Variants in CACNA1D observed in about 807,000 individuals in gnomAD.
The protein encoded by CACNA1D is calcium voltage-gated channel subunit alpha1 D, also known as voltage-dependent L-type calcium channel subunit alpha-1D.
CACNA1D carries 55 observed loss-of-function variants against 257.1 expected under a neutral mutation model. The observed-to-expected ratio is 0.21, with a 90% CI of 0.17 to 0.27. The LOEUF (loss-of-function observed/expected upper bound fraction) is 0.27, where lower values mean the gene tolerates loss of function less well. Among genes scored for constraint, CACNA1D ranks in the 10% least tolerant of loss-of-function variants. The probability of loss-of-function intolerance (pLI) is 1.00; values close to 1 mark genes in which losing one functional copy is unlikely to be tolerated. For synonymous variants in CACNA1D, 980 were observed against 1,014.9 expected, an observed-to-expected ratio of 0.97 and a Z score of 0.65; for missense variants, 1,876 against 2,784.0, an observed-to-expected ratio of 0.67 and a Z score of 7.34.
At chr3:53,806,097 C>T (rs866490716) in intron 45 of CACNA1D, among the ~76,000 whole-genome samples, 126 of 146,712 alleles carry the variant, frequency 8.6e-4, no homozygotes, top group African/African-American at 3.1e-3. Flanking sequence ...TCTTCCTCCT[C>T]CTTCGTCTTC....
rs547733188 is a variant in CACNA1D, at chr3:53,589,654, G to A, written c.484-61125G>A. ...AGACAACGTCTCCTTCTGTTGCCCA[G>A]GCTGGAGTGCAGTGGTGCAGTCATG... is the stretch of plus-strand genomic sequence containing the variant. On this transcript the variant is annotated intron_variant, in intron 3 of 47. Transcript: ENST00000350061. Among the ~76,000 whole-genome samples the A allele has an allele frequency of 1.9e-4, 29 of 152,270 alleles. 1 individual carries two copies. The highest frequency in any genetic ancestry group is 3.7e-4 in the Non-Finnish European group (25 of 68,032).
intron 21 of CACNA1D, 37 bp from the exon 22 acceptor site, chr3:53,742,974 A>G: frequency 7.3e-7 from 1 of 1,376,160 alleles, no homozygotes; most frequent in Non-Finnish European, 1.0e-6. Context: ...TCCTTTGGAG[A>G]CAAAAAATGG....
rs537537367 is a variant in CACNA1D, at chr3:53,501,915, A to G, written c.483+195A>G. On this transcript the variant is annotated intron_variant, in intron 3 of 47. Transcript: ENST00000350061. ...TCTCAAATTTATACTGACTGAAAGTATTTAAAGTCATGAATCTTTTATAAA... is the reference window on the plus strand; with the variant it reads ...TCTCAAATTTATACTGACTGAAAGTGTTTAAAGTCATGAATCTTTTATAAA... Among the ~76,000 whole-genome samples the G allele has an allele frequency of 3.3e-5, 5 of 152,316 alleles. No homozygotes were observed. In the South Asian group the frequency reaches 1.0e-3, roughly 32 times the overall value.
chr3:53,582,270 C>G (rs2093145174), intron 3 of CACNA1D, among the ~76,000 whole-genome samples: 1 of 152,154 alleles, frequency 6.6e-6, no homozygotes, highest in African/African-American at 2.4e-5. Context: ...CAGTCCTCAA[C>G]TAGGCTATAC....
At chr3:53,577,330 G>A (rs1311826685) in intron 3 of CACNA1D, among the ~76,000 whole-genome samples, 1 of 152,142 alleles carries the variant, frequency 6.6e-6, no homozygotes, top group Non-Finnish European at 1.5e-5. Flanking sequence ...GGGGTGCTGG[G>A]GAGGAGCTGT....
At chr3:53,758,023 G>T (rs1384899352) in intron 29 of CACNA1D, among the ~76,000 whole-genome samples, 1 of 152,142 alleles carries the variant, frequency 6.6e-6, no homozygotes, top group Non-Finnish European at 1.5e-5. Context: ...GATGCCTGGT[G>T]GTAGCTTCCT....
chr3:53,552,263 C>T (rs1575839502), intron 3 of CACNA1D, among the ~76,000 whole-genome samples: 1 of 152,216 alleles, frequency 6.6e-6, no homozygotes, highest in Non-Finnish European at 1.5e-5. Context: ...GCTTGGTTGA[C>T]ACCTCTTCAT....
intron 3 of CACNA1D, among the ~76,000 whole-genome samples, chr3:53,598,303 T>C (rs2093396682): frequency 6.6e-6 from 1 of 152,044 alleles, no homozygotes; most frequent in Non-Finnish European, 1.5e-5. Context: ...TGGCTGGGCA[T>C]GGTGGCTCAG....
chr3:53,713,674 C>A (rs1007889780), intron 9 of CACNA1D, among the ~76,000 whole-genome samples: 7 of 152,304 alleles, frequency 4.6e-5, no homozygotes, highest in African/African-American at 1.7e-4. Context: ...TGAGAAGCAG[C>A]AGATTTCCCT....
intron 3 of CACNA1D, among the ~76,000 whole-genome samples, chr3:53,553,567 G>A (rs1371171812): frequency 1.3e-5 from 2 of 152,100 alleles, no homozygotes; most frequent in East Asian, 3.8e-4. Flanking sequence ...CCATTTCTAC[G>A]GGAATGTTTT....
intron 15 of CACNA1D, among the ~76,000 whole-genome samples, chr3:53,727,399 C>T (rs1176525044): frequency 2.0e-5 from 3 of 152,194 alleles, no homozygotes; most frequent in Admixed American, 6.5e-5. Context: ...TAAGACCCTT[C>T]GTGACTGATG....
intron 3 of CACNA1D, among the ~76,000 whole-genome samples, chr3:53,577,883 T>G (rs530066710): frequency 6.6e-6 from 1 of 152,330 alleles, no homozygotes; most frequent in African/African-American, 2.4e-5. Flanking sequence ...ATTAAGTTGA[T>G]TCTACCTTTA....
chr3:53,559,842 A>T (rs547684180), intron 3 of CACNA1D, among the ~76,000 whole-genome samples: 1 of 152,164 alleles, frequency 6.6e-6, no homozygotes, highest in East Asian at 1.9e-4. Context: ...GTCCAAGGCC[A>T]AGCGCTTGAA....
Position 53,751,641 on chromosome 3 carries a change from C to T in CACNA1D, c.3517-108C>T. On this transcript the variant is annotated intron_variant, in intron 27 of 47. Transcript: ENST00000350061. The surrounding 1 kb of genome is among the most constrained non-coding windows in gnomAD (Gnocchi z 4.3). ...TAATCATTTTCACCATCGTCCACGG[C>T]CCCTTCCCGGGAGCTGTAGGGTGAG... 1.8e-6 allele frequency: 2 copies of T among 1,109,178 alleles called. No individual in the cohort carries two copies. Among genetic ancestry groups the T allele is most frequent in the South Asian group, 1.2e-5 (1 of 80,484 alleles). The allele number at this position is 1,109,178 out of a possible 1,614,324, so 68.7% of individuals were successfully genotyped here.
intron 18 of CACNA1D, 86 bp from the exon 19 acceptor site, chr3:53,732,729 G>A (rs1445337278): frequency 1.5e-6 from 2 of 1,311,370 alleles, no homozygotes; most frequent in African/African-American, 1.4e-5. Flanking sequence ...TAAAGTTTAA[G>A]CCAAATTTGC....
intron 3 of CACNA1D, among the ~76,000 whole-genome samples, chr3:53,575,177 G>A (rs2093014853): frequency 1.3e-5 from 2 of 152,208 alleles, no homozygotes; most frequent in Admixed American, 6.5e-5. Flanking sequence ...CCATACCTGC[G>A]TCCTGCATGA....
chr3:53,649,565 A>G (rs2094065636), intron 3 of CACNA1D, among the ~76,000 whole-genome samples: 1 of 152,014 alleles, frequency 6.6e-6, no homozygotes, highest in African/African-American at 2.4e-5. Flanking sequence ...GACAGGTACC[A>G]TAGTGGGGAC....
chr3:53,759,031 C>T (rs2095284182), intron 29 of CACNA1D, among the ~76,000 whole-genome samples: 1 of 152,152 alleles, frequency 6.6e-6, no homozygotes, highest in Non-Finnish European at 1.5e-5. Flanking sequence ...CCCCTGGACT[C>T]CTGTCAGAGC....
intron 3 of CACNA1D, among the ~76,000 whole-genome samples, chr3:53,622,345 G>A (rs1484393632): frequency 6.6e-6 from 1 of 152,118 alleles, no homozygotes; most frequent in Admixed American, 6.5e-5. Flanking sequence ...TTTATTCGTA[G>A]GTATTTGCCC....
Sources: allele counts gnomAD v4.1 joint callset (sites outside exome capture counted in the v4.1 genomes callset), GRCh38; gene constraint gnomAD v4.1.1; non-coding constraint Gnocchi (gnomAD v3.1); transcripts MANE v1.5; gene names NCBI Gene and HGNC (gene_info 2026-07-23, HGNC 2026-07-21).